Variants in TSGA10 observed in about 807,000 individuals in gnomAD.
TSGA10 encodes the protein testis specific 10.
Under a neutral mutation model 96.6 loss-of-function variants are expected in TSGA10, and 43 were observed. The ratio of observed to expected loss-of-function variants is 0.44; its 90% CI spans 0.35 to 0.57. The LOEUF (loss-of-function observed/expected upper bound fraction) is 0.57, where lower values mean the gene tolerates loss of function less well. Ranked by LOEUF, TSGA10 falls within the 20% of genes least tolerant of loss-of-function variation. The pLI is 0.01. For synonymous variants in TSGA10, 229 were observed against 269.9 expected, an observed-to-expected ratio of 0.85 and a Z score of 1.48; for missense variants, 703 against 834.4, an observed-to-expected ratio of 0.84 and a Z score of 1.94.
chr2:99,077,857 C>T (rs1378218304), intron 12 of TSGA10, among the ~76,000 whole-genome samples: 8 of 151,992 alleles, frequency 5.3e-5, no homozygotes, highest in Non-Finnish European at 1.0e-4. Flanking sequence ...CCACCGCACC[C>T]GGCCTGCACG....
At chr2:99,090,860 A>C (rs981322981) in intron 10 of TSGA10, among the ~76,000 whole-genome samples, 18 of 152,238 alleles carry the variant, frequency 1.2e-4, no homozygotes, top group African/African-American at 4.3e-4. Flanking sequence ...TGGGGGAATA[A>C]TTGAAGAAAA....
In TSGA10 at chr2:99,092,108, T is replaced by C. The variant is rs538899317; in HGVS notation, c.612-10711A>G. ...TGTCTCTGACCACAGTTGAATAAAA[T>C]TGGAAATCAACTCCAAAAGGAACCT... On this transcript the variant is annotated intron_variant, in intron 10 of 20. Coordinates refer to ENST00000393483, the MANE Select transcript of TSGA10 (RefSeq NM_025244.4). Among the ~76,000 whole-genome samples, 4 of 152,002 alleles carry C rather than the reference T, an allele frequency of 2.6e-5. No individual in the cohort carries two copies. The East Asian group carries it at 5.8e-4, about 22-fold the overall frequency.
intron 1 of TSGA10, among the ~76,000 whole-genome samples, chr2:99,152,058 T>C (rs927681780): frequency 4.6e-5 from 7 of 152,186 alleles, no homozygotes; most frequent in African/African-American, 1.7e-4. Flanking sequence ...ACGTAATTCT[T>C]TAGAAGAGAA....
intron 16 of TSGA10, among the ~76,000 whole-genome samples, chr2:99,055,280 G>A (rs548269063): frequency 1.3e-5 from 2 of 152,182 alleles, no homozygotes; most frequent in Admixed American, 6.5e-5. Flanking sequence ...CACTGATCTC[G>A]TTTATATGTG....
chr2:99,066,868 T>C (rs1276916106), intron 15 of TSGA10, among the ~76,000 whole-genome samples: 1 of 152,188 alleles, frequency 6.6e-6, no homozygotes, highest in African/African-American at 2.4e-5. Context: ...CAACACTCCG[T>C]AGGCCTCAGC....
intron 1 of TSGA10, among the ~76,000 whole-genome samples, chr2:99,139,364 A>T (rs760046264): frequency 1.3e-5 from 2 of 152,212 alleles, no homozygotes; most frequent in African/African-American, 2.4e-5. Flanking sequence ...AAAAAGTATC[A>T]TCGGTGTTGA....
chr2:99,068,582 A>G (rs1375544542), intron 15 of TSGA10, among the ~76,000 whole-genome samples: 1 of 152,154 alleles, frequency 6.6e-6, no homozygotes, highest in Non-Finnish European at 1.5e-5. Flanking sequence ...AGAGGTTTAT[A>G]ACTGGAAACC....
At chr2:99,092,865 T>C (rs1399954577) in intron 10 of TSGA10, among the ~76,000 whole-genome samples, 1 of 151,978 alleles carries the variant, frequency 6.6e-6, no homozygotes, top group Non-Finnish European at 1.5e-5. Flanking sequence ...AAAACTATTC[T>C]ACAAGATAAA....
chr2:99,138,421 T>C (rs1364035300), intron 1 of TSGA10, among the ~76,000 whole-genome samples: 6 of 149,116 alleles, frequency 4.0e-5, no homozygotes, highest in African/African-American at 1.5e-4. Flanking sequence ...TTTTGTCTTG[T>C]CTCTGTTTTA....
intron 10 of TSGA10, among the ~76,000 whole-genome samples, chr2:99,093,003 A>T (rs1229429696): frequency 1.3e-5 from 2 of 152,212 alleles, no homozygotes; most frequent in Non-Finnish European, 2.9e-5. Context: ...AAAATCCTTA[A>T]CAAAATACTA....
At chr2:99,062,801 CTGAA>C (rs941847234) in intron 16 of TSGA10, among the ~76,000 whole-genome samples, 1 of 152,124 alleles carries the variant, frequency 6.6e-6, no homozygotes, top group African/African-American at 2.4e-5. Context: ...ATATTAAAAA[CTGAA>C]TGGCAATGAA....
chr2:99,002,798 A>C (rs1260356452), intron 20 of TSGA10, among the ~76,000 whole-genome samples: 1 of 152,146 alleles, frequency 6.6e-6, no homozygotes, highest in Non-Finnish European at 1.5e-5. Flanking sequence ...AAGGTCTAAC[A>C]AGCAAATGGA....
At chr2:99,047,765 A>G (rs2082948727) in intron 16 of TSGA10, among the ~76,000 whole-genome samples, 1 of 152,184 alleles carries the variant, frequency 6.6e-6, no homozygotes, top group African/African-American at 2.4e-5. Context: ...CAATTAGGAA[A>G]AGAGGAAGTC....
At chr2:99,126,891 T>C (rs2092857931) in intron 2 of TSGA10, 157 bp downstream of exon 2, 2 of 617,466 alleles carry the variant, frequency 3.2e-6, no homozygotes, top group Non-Finnish European at 4.6e-6. Flanking sequence ...TCTGACTCTA[T>C]GTTTATCAAA....
At chr2:99,056,760 C>T (rs2084035603) in intron 16 of TSGA10, among the ~76,000 whole-genome samples, 1 of 123,500 alleles carries the variant, frequency 8.1e-6, no homozygotes, top group African/African-American at 3.0e-5. Flanking sequence ...TAAAAACAGA[C>T]AACACATTAC....
At chr2:99,001,129 C>A (rs6542852) in intron 20 of TSGA10, among the ~76,000 whole-genome samples, 53,338 of 152,022 alleles carry the variant, frequency 0.35, 10,704 homozygotes, top group African/African-American at 0.55. Flanking sequence ...AGTGGTTCTC[C>A]CAGCATGGAG....
intron 16 of TSGA10, among the ~76,000 whole-genome samples, chr2:99,041,153 C>T (rs2082147003): frequency 6.6e-6 from 1 of 152,258 alleles, no homozygotes; most frequent in Non-Finnish European, 1.5e-5. Context: ...TGAGGTCCAG[C>T]TCCAGCCAAT....
Position 99,087,700 on chromosome 2 carries a change from T to C in TSGA10, c.612-6303A>G, listed in dbSNP as rs147957779. On this transcript the variant is annotated intron_variant, in intron 10 of 20. Transcript: ENST00000393483. ...AAGACAGTGTCTCTAGAAAAAGAAA[T>C]ACTAAAATTTTTTGTTCATCAAAAA... 3.8e-3 allele frequency among the ~76,000 whole-genome samples: 571 copies of C among 151,954 alleles called. 4 individuals are homozygous for C. Among genetic ancestry groups the C allele is most frequent in the Middle Eastern group, 0.017 (5 of 294 alleles).
rs151291599 is a variant in TSGA10, at chr2:99,135,657, G to A, written c.-620-8481C>T. 4.4e-3 allele frequency among the ~76,000 whole-genome samples: 673 copies of A among 152,176 alleles called. 3 individuals carry two copies. The highest frequency in any genetic ancestry group is 8.3e-3 in the South Asian group (40 of 4,810). ...ACATCTTAGCTGTGTGATCTTGGGC[G>A]ACCTGGTTACTTCTCTGACTATAGC... On this transcript the variant is annotated intron_variant, in intron 1 of 20. Coordinates refer to ENST00000393483, the MANE Select transcript of TSGA10 (RefSeq NM_025244.4).
Sources: gnomAD v4.1 joint callset for allele counts (sites outside exome capture counted in the v4.1 genomes callset) on GRCh38, gnomAD v4.1.1 for gene constraint, MANE v1.5 for transcripts, NCBI Gene and HGNC (gene_info 2026-07-23, HGNC 2026-07-21) for gene names.